Variants in PRR5 observed in about 807,000 individuals in gnomAD.
PRR5 encodes proline-rich protein 5.
PRR5 carries 25 observed loss-of-function variants against 30.6 expected under a neutral mutation model. The observed-to-expected ratio is 0.82, with a 90% confidence interval of 0.60 to 1.14. The LOEUF is 1.14. Ranked by LOEUF, PRR5 falls within the 50% of genes most tolerant of loss-of-function variation. The probability of loss-of-function intolerance (pLI) is 0.00; values close to 1 mark genes in which losing one functional copy is unlikely to be tolerated. For missense variants in PRR5, 600 were observed against 547.1 expected (o/e 1.10, Z -0.96); for synonymous variants, 286 against 247.1 (o/e 1.16, Z -1.48).
chr22:44,724,047 C>T (rs537378737), intron 2 of PRR5, among the ~76,000 whole-genome samples: 71 of 152,290 alleles, frequency 4.7e-4, no homozygotes, highest in Non-Finnish European at 8.2e-4. Flanking sequence ...GACTGGAGAG[C>T]GGGCAGCAGA....
chr22:44,730,957 T>C, intron 4 of PRR5: 1 of 450,376 alleles, frequency 2.2e-6, no homozygotes, highest in Non-Finnish European at 4.6e-6. Context: ...GGGCAGCTGT[T>C]TGGGGCTCAG....
intron 2 of PRR5, among the ~76,000 whole-genome samples, chr22:44,722,318 GT>G: frequency 6.6e-6 from 1 of 152,288 alleles, no homozygotes; most frequent in South Asian, 2.1e-4. Context: ...CACCTGTCAG[GT>G]GGCTGTGAAC....
At chr22:44,669,359 C>T (rs998446488) in intron 1 of PRR5, among the ~76,000 whole-genome samples, 3 of 152,226 alleles carry the variant, frequency 2.0e-5, no homozygotes, top group Non-Finnish European at 4.4e-5. Context: ...CTGGCCTGGG[C>T]CTCCAGCCAC....
intron 1 of PRR5, among the ~76,000 whole-genome samples, chr22:44,689,806 G>A (rs898321179): frequency 2.0e-5 from 3 of 152,150 alleles, no homozygotes; most frequent in South Asian, 2.1e-4. Flanking sequence ...CCGCCACCAC[G>A]CCTGGCTAAT....
chr22:44,712,680 T>A (rs1569090572), intron 1 of PRR5, among the ~76,000 whole-genome samples: 1 of 152,192 alleles, frequency 6.6e-6, no homozygotes, highest in Non-Finnish European at 1.5e-5. Context: ...AGGAGCATGG[T>A]GGCAGCTGCC....
chr22:44,720,045 T>G (rs1929693123), intron 2 of PRR5, among the ~76,000 whole-genome samples: 1 of 152,202 alleles, frequency 6.6e-6, no homozygotes, highest in Admixed American at 6.5e-5. Context: ...TCCCCTCCTG[T>G]GATTTGAGGA....
At chr22:44,684,880 C>A (rs1048704888) in intron 1 of PRR5, among the ~76,000 whole-genome samples, 15 of 152,226 alleles carry the variant, frequency 9.9e-5, no homozygotes, top group African/African-American at 3.4e-4. Context: ...CAGGCGTCCT[C>A]CCTCCTGGGG....
chr22:44,674,097 T>C (rs1923574996), upstream of PRR5, among the ~76,000 whole-genome samples: 1 of 152,136 alleles, frequency 6.6e-6, no homozygotes, highest in African/African-American at 2.4e-5. Flanking sequence ...TTGCACAGTG[T>C]CATTGCAGCA....
At chr22:44,722,626 AC>A (rs1930106556) in intron 2 of PRR5, among the ~76,000 whole-genome samples, 1 of 151,986 alleles carries the variant, frequency 6.6e-6, no homozygotes, top group African/African-American at 2.4e-5. Context: ...AAGTACAGCC[AC>A]CCCAAAAGGG....
At chr22:44,701,779 T>G (rs764204285), upstream of PRR5, among the ~76,000 whole-genome samples, 2 of 152,196 alleles carry the variant, frequency 1.3e-5, no homozygotes, top group Non-Finnish European at 2.9e-5. Flanking sequence ...CCCAAAGTCC[T>G]CATGAGAACT....
chr22:44,734,834 G>A (rs1051467042), intron 6 of PRR5, 193 bp from the exon 7 acceptor site: 3 of 714,104 alleles, frequency 4.2e-6, no homozygotes, highest in Non-Finnish European at 6.8e-6. Flanking sequence ...GAGCAGCAGA[G>A]TGACTCAGGC....
chr22:44,700,145 T>G (rs1239313663), upstream of PRR5, among the ~76,000 whole-genome samples: 3 of 151,992 alleles, frequency 2.0e-5, no homozygotes, highest in Non-Finnish European at 4.4e-5. Context: ...AGCAAGACCT[T>G]GTCTCTATTA....
At chr22:44,701,560 C>T (rs1926290738), upstream of PRR5, among the ~76,000 whole-genome samples, 1 of 152,254 alleles carries the variant, frequency 6.6e-6, no homozygotes, top group Admixed American at 6.5e-5. Flanking sequence ...GCCCCCACCA[C>T]AGGGACTTGG....
At chr22:44,676,572 G>T (rs936793722), upstream of PRR5, among the ~76,000 whole-genome samples, 1 of 152,018 alleles carries the variant, frequency 6.6e-6, no homozygotes, top group African/African-American at 2.4e-5. Context: ...AGGATGGGGG[G>T]TTCGACTGGG....
At chr22:44,681,012 C>T (rs974050743) in intron 1 of PRR5, among the ~76,000 whole-genome samples, 1 of 152,232 alleles carries the variant, frequency 6.6e-6, no homozygotes, top group Non-Finnish European at 1.5e-5. Flanking sequence ...CGATTGTCTG[C>T]CAGACTAGCA....
chr22:44,692,261 C>CCCG (rs1925317263), intron 1 of PRR5, among the ~76,000 whole-genome samples: 1 of 138,254 alleles, frequency 7.2e-6, no homozygotes, highest in African/African-American at 2.7e-5. Flanking sequence ...CTCCTCCTCC[C>CCCG]GGGGCTCCTC....
At chr22:44,706,864 T>A (rs1383659935) in intron 1 of PRR5, among the ~76,000 whole-genome samples, 1 of 91,494 alleles carries the variant, frequency 1.1e-5, no homozygotes, top group East Asian at 6.9e-4. Context: ...GATGCCCGGC[T>A]GGCCTGCCGG....
At chr22:44,683,326 CAG>C (rs2146949292) in intron 1 of PRR5, among the ~76,000 whole-genome samples, 1 of 152,322 alleles carries the variant, frequency 6.6e-6, no homozygotes, top group African/African-American at 2.4e-5. Context: ...TGGGGAGCGA[CAG>C]AGTTTGTAGT....
chr22:44,671,666 C>T (rs751359037), intron 1 of PRR5, among the ~76,000 whole-genome samples: 1 of 152,138 alleles, frequency 6.6e-6, no homozygotes, highest in Non-Finnish European at 1.5e-5. Context: ...CTTCAGTTCT[C>T]TCATTGCAAG....
Sources: gnomAD v4.1 joint callset for allele counts (sites outside exome capture counted in the v4.1 genomes callset) on GRCh38, gnomAD v4.1.1 for gene constraint, MANE v1.5 for transcripts, NCBI Gene and HGNC (gene_info 2026-07-23, HGNC 2026-07-21) for gene names.